The following COBLL1 variants were observed in gnomAD, a reference collection of about 807,000 sequenced individuals.
COBLL1 encodes the protein cordon-bleu WH2 repeat protein like 1, also known as cordon-bleu protein-like 1.
COBLL1 carries 50 observed loss-of-function variants against 94.8 expected under a neutral mutation model. That is an observed-to-expected ratio of 0.53 (90% CI 0.42 to 0.67). The LOEUF is 0.67. Among genes scored for constraint, COBLL1 ranks in the 30% least tolerant of loss-of-function variants. The probability of loss-of-function intolerance (pLI) is 0.00; values close to 1 mark genes in which losing one functional copy is unlikely to be tolerated. For synonymous variants in COBLL1, 448 were observed against 473.8 expected, an observed-to-expected ratio of 0.95 and a Z score of 0.71; for missense variants, 1,362 against 1,348.7, an observed-to-expected ratio of 1.01 and a Z score of -0.15.
Position 164,695,213 on chromosome 2 carries a change from G to GCCAAATTTGACAT in COBLL1, c.2178_2179insATGTCAAATTTGG (p.Pro727MetfsTer13). On this transcript the variant is annotated frameshift_variant, in exon 12 of 14. Transcript: ENST00000652658. LOFTEE classifies it high-confidence loss of function. ...TTATAAGTAGTCATGCCAATTTTGGGTATATACTCTCGTGTAATTTCATTT... is the reference window on the plus strand; with the variant it reads ...TTATAAGTAGTCATGCCAATTTTGGGCCAAATTTGACATTATATACTCTCGTGTAATTTCATTT... 1 of 1,613,912 alleles carries GCCAAATTTGACAT rather than the reference G, an allele frequency of 6.2e-7. No individual in the cohort carries two copies. The highest frequency in any genetic ancestry group is 1.7e-5 in the Admixed American group (1 of 59,998).
At chr2:164,797,132 T>C (rs892599226) in intron 2 of COBLL1, among the ~76,000 whole-genome samples, 1 of 152,218 alleles carries the variant, frequency 6.6e-6, no homozygotes, top group African/African-American at 2.4e-5. Context: ...GTATTATTTC[T>C]GGGACCTTTG....
At chr2:164,811,060 C>G (rs1170560633) in intron 2 of COBLL1, among the ~76,000 whole-genome samples, 2 of 151,788 alleles carry the variant, frequency 1.3e-5, no homozygotes, top group African/African-American at 2.4e-5. Flanking sequence ...ATTAGTGATG[C>G]AATTCATTGC....
chr2:164,737,312 T>G (rs529440312), intron 3 of COBLL1, among the ~76,000 whole-genome samples: 2 of 152,226 alleles, frequency 1.3e-5, no homozygotes, highest in Non-Finnish European at 2.9e-5. Flanking sequence ...GTCACCCCTT[T>G]CCCAACCAGG....
intron 3 of COBLL1, 198 bp downstream of exon 3, chr2:164,743,489 G>A (rs554179929): frequency 2.1e-6 from 1 of 472,132 alleles, no homozygotes; most frequent in Non-Finnish European, 3.8e-6. Context: ...TGGGTTTGTG[G>A]AATTCATAGC....
intron 7 of COBLL1, among the ~76,000 whole-genome samples, chr2:164,719,611 T>C (rs1685347733): frequency 6.6e-6 from 1 of 152,170 alleles, no homozygotes; most frequent in Non-Finnish European, 1.5e-5. Context: ...TGTGTCTCTC[T>C]GCCTGTGTGT....
downstream of COBLL1, among the ~76,000 whole-genome samples, chr2:164,675,251 C>G (rs1354890348): frequency 5.9e-5 from 9 of 152,132 alleles, no homozygotes; most frequent in Admixed American, 5.9e-4. Context: ...TTCAAATACA[C>G]CGTTGTCTCA....
chr2:164,793,401 C>T (rs1158044339), intron 2 of COBLL1, among the ~76,000 whole-genome samples: 1 of 151,668 alleles, frequency 6.6e-6, no homozygotes, highest in African/African-American at 2.4e-5. Context: ...GAACCTTTTA[C>T]ACAAATCTCA....
intron 2 of COBLL1, among the ~76,000 whole-genome samples, chr2:164,823,800 G>T (rs1330663604): frequency 6.6e-6 from 1 of 152,042 alleles, no homozygotes; most frequent in Non-Finnish European, 1.5e-5. Context: ...AACAATCCCT[G>T]GGGTTGGTAT....
rs1170501693 is a variant in COBLL1, at chr2:164,767,121, AAC to A, written c.42-23248_42-23247del. Among the ~76,000 whole-genome samples the A allele has an allele frequency of 2.0e-5, 3 of 152,192 alleles. No individual in the cohort carries two copies. In the East Asian group the frequency reaches 5.8e-4, roughly 29 times the overall value. ...ACTTATGTACTGGTTTCACTACGGAAACACAGAGAGGGATGGAATTCTACTCC... is the reference window on the plus strand; with the variant it reads ...ACTTATGTACTGGTTTCACTACGGAAACAGAGAGGGATGGAATTCTACTCC... On this transcript the variant is annotated intron_variant, in intron 2 of 13. Coordinates refer to ENST00000652658, the MANE Select transcript of COBLL1 (RefSeq NM_001365672.2).
chr2:164,731,386 C>G (rs1277099140), intron 3 of COBLL1, among the ~76,000 whole-genome samples: 1 of 152,174 alleles, frequency 6.6e-6, no homozygotes, highest in East Asian at 1.9e-4. Flanking sequence ...GGGATACTTA[C>G]CAATTTTTTG....
At chr2:164,759,810 A>G (rs1687594809) in intron 2 of COBLL1, among the ~76,000 whole-genome samples, 1 of 152,252 alleles carries the variant, frequency 6.6e-6, no homozygotes, top group Admixed American at 6.5e-5. Context: ...AAATAGGTTT[A>G]ACAACATTAT....
intron 13 of COBLL1, among the ~76,000 whole-genome samples, chr2:164,689,740 T>G (rs964309999): frequency 1.3e-5 from 2 of 152,172 alleles, no homozygotes; most frequent in Non-Finnish European, 2.9e-5. Context: ...TGAATATTTT[T>G]ATTGCATTAC....
intron 2 of COBLL1, among the ~76,000 whole-genome samples, chr2:164,659,414 T>C (rs1691035106): frequency 6.6e-6 from 1 of 152,236 alleles, no homozygotes; most frequent in Non-Finnish European, 1.5e-5. Flanking sequence ...TTCTATCTTT[T>C]CTTCATTGTC....
At chr2:164,793,143 C>A (rs1683274465) in intron 2 of COBLL1, among the ~76,000 whole-genome samples, 1 of 152,094 alleles carries the variant, frequency 6.6e-6, no homozygotes, top group African/African-American at 2.4e-5. Context: ...TGGGCCAGAC[C>A]CCCCAGTATA....
At chr2:164,828,153 G>A (rs895784238) in intron 2 of COBLL1, among the ~76,000 whole-genome samples, 4 of 152,222 alleles carry the variant, frequency 2.6e-5, no homozygotes, top group East Asian at 1.9e-4. Context: ...AGCTCCTATC[G>A]TTCCAATGGA....
At chr2:164,743,943 T>C (rs1301157281) in intron 2 of COBLL1, 68 bp from the exon 3 acceptor site, 2 of 1,154,706 alleles carry the variant, frequency 1.7e-6, no homozygotes, top group East Asian at 2.6e-5. Flanking sequence ...TAATATGATG[T>C]ATTTTTATAA....
intron 7 of COBLL1, among the ~76,000 whole-genome samples, chr2:164,711,672 T>A (rs898781783): frequency 6.6e-6 from 1 of 152,228 alleles, no homozygotes; most frequent in Non-Finnish European, 1.5e-5. Flanking sequence ...GCAAATTTAA[T>A]GTGAAAAATT....
At chr2:164,783,386 T>A (rs1688801893) in intron 2 of COBLL1, among the ~76,000 whole-genome samples, 2 of 151,886 alleles carry the variant, frequency 1.3e-5, no homozygotes, top group Non-Finnish European at 2.9e-5. Flanking sequence ...GCATGCATTC[T>A]AGTGTGAGTA....
At chr2:164,731,162 G>A (rs1485236420) in intron 3 of COBLL1, among the ~76,000 whole-genome samples, 3 of 152,036 alleles carry the variant, frequency 2.0e-5, no homozygotes, top group Non-Finnish European at 2.9e-5. Flanking sequence ...AATGGAGTAG[G>A]GTGACCACAC....
Sources: gnomAD v4.1 joint callset for allele counts (sites outside exome capture counted in the v4.1 genomes callset) on GRCh38, gnomAD v4.1.1 for gene constraint, MANE v1.5 for transcripts, NCBI Gene and HGNC (gene_info 2026-07-23, HGNC 2026-07-21) for gene names.